The following CLIC5 variants were observed in gnomAD, a reference collection of about 807,000 sequenced individuals.
CLIC5 encodes the protein chloride intracellular channel protein 5.
In CLIC5, 20 loss-of-function variants were observed where a neutral mutation model predicts 24.7. The observed-to-expected ratio is 0.81, with a 90% CI of 0.57 to 1.18. The LOEUF is 1.18. Ranked by LOEUF, CLIC5 falls within the 50% of genes most tolerant of loss-of-function variation. The pLI, the probability that CLIC5 is intolerant of heterozygous loss-of-function variation, is 0.00. For synonymous variants in CLIC5, 159 were observed against 135.6 expected, an observed-to-expected ratio of 1.17 and a Z score of -1.20; for missense variants, 341 against 326.1, an observed-to-expected ratio of 1.05 and a Z score of -0.35.
chr6:45,965,727 C>G (rs141520409), intron 1 of CLIC5, among the ~76,000 whole-genome samples: 2,207 of 152,300 alleles, frequency 0.014, 69 homozygotes, highest in African/African-American at 0.051. Context: ...AATCCCCATC[C>G]TAATACAGGA....
exon 1 of CLIC5, chr6:46,079,736 A>T: frequency 6.4e-7 from 1 of 1,551,738 alleles, no homozygotes; most frequent in Non-Finnish European, 8.7e-7. Context: ...GGTTCATGTG[A>T]GCTCCCTCCT....
chr6:45,916,408 A>C (rs1763033884), intron 4 of CLIC5, among the ~76,000 whole-genome samples: 1 of 152,196 alleles, frequency 6.6e-6, no homozygotes, highest in African/African-American at 2.4e-5. Context: ...TCCCTGAAGC[A>C]CTTGTGATTT....
chr6:46,067,923 C>A (rs1762487329), intron 1 of CLIC5, among the ~76,000 whole-genome samples: 2 of 152,112 alleles, frequency 1.3e-5, no homozygotes, highest in Admixed American at 1.3e-4. Context: ...TTATGTCCAC[C>A]TGGAACCTGA....
chr6:45,980,538 C>T (rs1441645344), intron 1 of CLIC5, among the ~76,000 whole-genome samples: 1 of 151,794 alleles, frequency 6.6e-6, no homozygotes, highest in South Asian at 2.1e-4. Context: ...TGTAACAAAC[C>T]AGCACATGTA....
intron 1 of CLIC5, among the ~76,000 whole-genome samples, chr6:46,054,048 A>T (rs570843326): frequency 3.9e-5 from 6 of 152,224 alleles, no homozygotes; most frequent in African/African-American, 1.4e-4. Flanking sequence ...TTGCTTTGGA[A>T]TTGATGCTTG....
At chr6:45,927,148 T>A (rs1763531570) in intron 4 of CLIC5, among the ~76,000 whole-genome samples, 1 of 147,742 alleles carries the variant, frequency 6.8e-6, no homozygotes, top group African/African-American at 2.5e-5. Flanking sequence ...AGAGGTGTGT[T>A]GAAGTGTTTG....
At chr6:46,064,566 A>C (rs534931661) in intron 1 of CLIC5, among the ~76,000 whole-genome samples, 8 of 152,314 alleles carry the variant, frequency 5.3e-5, no homozygotes, top group Admixed American at 5.2e-4. Context: ...TATCAACAAC[A>C]TATCAACAAC....
intron 5 of CLIC5, among the ~76,000 whole-genome samples, chr6:45,905,550 C>G (rs541484930): frequency 1.0e-4 from 15 of 143,520 alleles, no homozygotes; most frequent in Admixed American, 9.9e-4. Context: ...CTGTTCATGT[C>G]TTTTGCCCAC....
intron 4 of CLIC5, among the ~76,000 whole-genome samples, chr6:45,938,671 C>G: frequency 6.6e-6 from 1 of 152,052 alleles, no homozygotes; most frequent in Non-Finnish European, 1.5e-5. Context: ...AATGGATATG[C>G]GGCATTTGGT....
intron 1 of CLIC5, among the ~76,000 whole-genome samples, chr6:46,031,228 C>G (rs1283936001): frequency 6.6e-6 from 1 of 152,176 alleles, no homozygotes; most frequent in Admixed American, 6.5e-5. Flanking sequence ...TAGTAAGTTG[C>G]TGGATCCCTT....
chr6:46,014,368 T>A (rs528117990), intron 1 of CLIC5: 1 of 152,164 alleles, frequency 6.6e-6, no homozygotes, highest in Non-Finnish European at 1.5e-5. Context: ...TTGGGCAAAA[T>A]AACATTTTCC....
At chr6:45,982,244 C>T (rs747111527) in intron 1 of CLIC5, among the ~76,000 whole-genome samples, 15 of 152,104 alleles carry the variant, frequency 9.9e-5, no homozygotes, top group Non-Finnish European at 1.5e-4. Context: ...TCCATCTTAT[C>T]AGTTTGGGTC....
Position 45,949,386 on chromosome 6 carries a change from A to G in CLIC5, c.174-5T>C, listed in dbSNP as rs1035121910. ...TTGTGCAGGTCAGCTGGCTTTCTGT[A>G]GAGAGAGCAAGATTCAGGTGTTGGC... On this transcript the variant is annotated splice_polypyrimidine_tract_variant and splice_region_variant and intron_variant, in intron 2 of 5. Coordinates refer to ENST00000339561, the MANE Select transcript of CLIC5 (RefSeq NM_016929.5). 1.9e-6 allele frequency: 3 copies of G among 1,611,924 alleles called. No individual in the cohort carries two copies.
chr6:45,920,297 T>C (rs1763204009), intron 4 of CLIC5: 2 of 983,970 alleles, frequency 2.0e-6, no homozygotes, highest in Non-Finnish European at 2.4e-6. Flanking sequence ...TAGGGGCCAG[T>C]GCTGTCACAC....
chr6:45,928,790 GTGTGT>G (rs1561940413), intron 4 of CLIC5, among the ~76,000 whole-genome samples: 1 of 150,986 alleles, frequency 6.6e-6, no homozygotes, highest in African/African-American at 2.5e-5. Flanking sequence ...GTGTGTGTGT[GTGTGT>G]AGAGAGAGAG....
At chr6:45,929,930 G>A (rs1763661946) in intron 4 of CLIC5, among the ~76,000 whole-genome samples, 1 of 152,234 alleles carries the variant, frequency 6.6e-6, no homozygotes. Flanking sequence ...GAGAAGGGGG[G>A]TGCCGCATCC....
chr6:46,013,564 T>C (rs138865264), intron 1 of CLIC5, among the ~76,000 whole-genome samples: 3 of 152,324 alleles, frequency 2.0e-5, no homozygotes, highest in African/African-American at 2.4e-5. Context: ...CTGGCTCTCA[T>C]TGATTTCCTT....
intron 1 of CLIC5, among the ~76,000 whole-genome samples, chr6:46,078,036 G>GA (rs938577167): frequency 2.2e-4 from 33 of 149,078 alleles, no homozygotes; most frequent in South Asian, 4.2e-4. Flanking sequence ...TCTGCCATGA[G>GA]AAAAAAAAAA....
At chr6:45,956,020 G>A (rs1764630110) in intron 1 of CLIC5, among the ~76,000 whole-genome samples, 1 of 152,172 alleles carries the variant, frequency 6.6e-6, no homozygotes, top group African/African-American at 2.4e-5. Flanking sequence ...TGGGCTTGGG[G>A]ATAAGACAGG....
Sources: allele counts gnomAD v4.1 joint callset (sites outside exome capture counted in the v4.1 genomes callset), GRCh38; gene constraint gnomAD v4.1.1; transcripts MANE v1.5; gene names NCBI Gene and HGNC (gene_info 2026-07-23, HGNC 2026-07-21).